ARID5B: variants seen among roughly 807,000 people sequenced by gnomAD.
The protein encoded by ARID5B is AT-rich interactive domain-containing protein 5B.
A neutral mutation model predicts 97.2 loss-of-function variants in ARID5B; 13 were observed. That is an observed-to-expected ratio of 0.13 (90% CI 0.09 to 0.21). ARID5B has a LOEUF of 0.21. ARID5B is among the 10% of genes least tolerant of loss of function. The probability of loss-of-function intolerance (pLI) is 1.00; values close to 1 mark genes in which losing one functional copy is unlikely to be tolerated. For synonymous variants in ARID5B, 556 were observed against 570.3 expected, an observed-to-expected ratio of 0.97 and a Z score of 0.36; for missense variants, 1,210 against 1,465.3, an observed-to-expected ratio of 0.83 and a Z score of 2.84.
At chr10:61,983,045 A>G (rs1480974657) in intron 3 of ARID5B, among the ~76,000 whole-genome samples, 1 of 152,160 alleles carries the variant, frequency 6.6e-6, no homozygotes, top group Non-Finnish European at 1.5e-5. Context: ...CCTCATATTG[A>G]GGCTCCTTCA....
At chr10:62,062,645 T>C (rs1839935732) in intron 7 of ARID5B, among the ~76,000 whole-genome samples, 1 of 151,748 alleles carries the variant, frequency 6.6e-6, no homozygotes, top group African/African-American at 2.4e-5. Flanking sequence ...CAGCAGAGAG[T>C]TTCTGACAAG....
chr10:61,941,493 C>T (rs566994941), intron 3 of ARID5B, among the ~76,000 whole-genome samples: 3 of 151,758 alleles, frequency 2.0e-5, no homozygotes, highest in African/African-American at 7.2e-5. Context: ...TCCTATTTTA[C>T]GCCTTAATGT....
In ARID5B at chr10:61,940,209, G is replaced by C; in HGVS notation, c.303G>C (p.Lys101Asn). The change falls in exon 3 of 10, where the codon AAG becomes AAC. Residue 101 changes from lysine (K) to asparagine (N), a missense_variant. Transcript: ENST00000279873. Reference sequence around the variant, plus strand: ...ATGAAGTCATTGCTGTTTCCGAAAAGGTGATTGTGAAGCTTGAAGACCTGG... The same window carrying C: ...ATGAAGTCATTGCTGTTTCCGAAAACGTGATTGTGAAGCTTGAAGACCTGG... Reference protein sequence around the residue: ...GEDEVIAVSEKVIVKLEDLVK... With the variant: ...GEDEVIAVSENVIVKLEDLVK... 6.2e-7 allele frequency: 1 copy of C among 1,614,160 alleles called. No homozygotes were observed. Among genetic ancestry groups the C allele is most frequent in the African/African-American group, 1.3e-5 (1 of 75,052 alleles).
At chr10:62,071,567 A>AAAAG (rs1554849729) in intron 8 of ARID5B, among the ~76,000 whole-genome samples, 3 of 146,836 alleles carry the variant, frequency 2.0e-5, no homozygotes, top group African/African-American at 7.5e-5. Context: ...AAAAAAAAAA[A>AAAAG]AGAGAGAAGG....
At chr10:62,085,928 C>G in intron 9 of ARID5B, 28 bp downstream of exon 9, 1 of 1,597,784 alleles carries the variant, frequency 6.3e-7, no homozygotes, top group Non-Finnish European at 8.5e-7. Context: ...ATAGAAATAC[C>G]TCTGGAAGAC....
In ARID5B at chr10:61,910,797, G is replaced by A. The variant is rs115647326; in HGVS notation, c.276+8384G>A. On this transcript the variant is annotated intron_variant, in intron 2 of 9. Transcript: ENST00000279873. ...ATGCACTGTTAGCAGCGTTAAAGAT[G>A]GATATTTGACATTTATCACGCAGAC... Among the ~76,000 whole-genome samples, 1,467 of 152,324 alleles carry A rather than the reference G, an allele frequency of 9.6e-3. 33 individuals are homozygous for A. The highest frequency in any genetic ancestry group is 0.034 in the African/African-American group (1,397 of 41,558).
chr10:62,073,469 C>G (rs1840090879), intron 8 of ARID5B, among the ~76,000 whole-genome samples: 1 of 152,166 alleles, frequency 6.6e-6, no homozygotes, highest in Admixed American at 6.5e-5. Flanking sequence ...TTATTTAAGG[C>G]AAAGCAGAAA....
At chr10:62,007,594 T>C (rs1839162340) in intron 4 of ARID5B, among the ~76,000 whole-genome samples, 1 of 152,156 alleles carries the variant, frequency 6.6e-6, no homozygotes, top group Non-Finnish European at 1.5e-5. Flanking sequence ...TCCATGTAAG[T>C]GCTGTTTAAG....
At chr10:61,917,820 G>C (rs1336390515) in intron 2 of ARID5B, among the ~76,000 whole-genome samples, 2 of 152,206 alleles carry the variant, frequency 1.3e-5, no homozygotes, top group Admixed American at 1.3e-4. Flanking sequence ...GGCAGGAAGA[G>C]ATGTGCAAGA....
At position 62,092,667 on chromosome 10, in the gene ARID5B, C is replaced by T. The variant is rs555727460; in HGVS notation, c.3204C>T (p.Gly1068=). ...GGCATTCCGGGGGCGGATCAGAAGG[C>T]CACAAGCTTCCCCTCTCCTCCCCTA... ...HGGHSGGGSE[G]HKLPLSSPIF... is the part of the protein sequence containing the mutation. Residue 1068 remains glycine, a synonymous_variant, in exon 10 of 10, where the codon GGC becomes GGT. Transcript: ENST00000279873. 1.2e-6 allele frequency: 2 copies of T among 1,613,992 alleles called. No individual in the cohort carries two copies. The highest frequency in any genetic ancestry group is 2.2e-5 in the East Asian group (1 of 44,876).
intron 2 of ARID5B, among the ~76,000 whole-genome samples, chr10:61,928,856 T>C (rs1203371221): frequency 2.0e-5 from 3 of 152,052 alleles, no homozygotes; most frequent in African/African-American, 4.8e-5. Context: ...TCTGTAGATA[T>C]CCCATTAGCA....
chr10:61,920,053 C>G (rs754826863), intron 2 of ARID5B, among the ~76,000 whole-genome samples: 1 of 152,142 alleles, frequency 6.6e-6, no homozygotes, highest in Non-Finnish European at 1.5e-5. Flanking sequence ...TAAATGACCC[C>G]TTGAGGCAGT....
chr10:61,938,214 G>A (rs917985584), intron 2 of ARID5B, among the ~76,000 whole-genome samples: 3 of 152,244 alleles, frequency 2.0e-5, no homozygotes, highest in Admixed American at 6.5e-5. Context: ...TTTGTTTGGA[G>A]GGTGTTGTAA....
At chr10:61,966,684 A>G (rs1160058217) in intron 3 of ARID5B, among the ~76,000 whole-genome samples, 1 of 152,194 alleles carries the variant, frequency 6.6e-6, no homozygotes, top group Non-Finnish European at 1.5e-5. Flanking sequence ...TCCTTCAGAT[A>G]CTTTAAAAGC....
At chr10:61,902,769 T>C (rs773503337) in intron 2 of ARID5B, among the ~76,000 whole-genome samples, 4 of 152,060 alleles carry the variant, frequency 2.6e-5, no homozygotes, top group Non-Finnish European at 4.4e-5. Flanking sequence ...TTTTTATATT[T>C]TTTGCCTTTT....
chr10:61,982,276 T>A lies in ARID5B; in HGVS notation c.503-17815T>A, dbSNP rs72833373. ...GGGCTGTTATTTCATGGTGATTTTT[T>A]AAAAAAAGTCAGACACCCCAGAACC... On this transcript the variant is annotated intron_variant, in intron 3 of 9. Coordinates refer to ENST00000279873, the MANE Select transcript of ARID5B (RefSeq NM_032199.3). 5.5e-3 allele frequency among the ~76,000 whole-genome samples: 835 copies of A among 152,234 alleles called. 7 individuals are homozygous for A. Among genetic ancestry groups the A allele is most frequent in the Non-Finnish European group, 0.01 (686 of 67,994 alleles).
At chr10:62,053,436 C>T (rs935260998) in intron 5 of ARID5B, among the ~76,000 whole-genome samples, 3 of 152,186 alleles carry the variant, frequency 2.0e-5, no homozygotes, top group African/African-American at 7.2e-5. Flanking sequence ...CTTTGCAAGA[C>T]CATGTTTTCC....
chr10:61,946,290 A>G (rs1193051318), intron 3 of ARID5B, among the ~76,000 whole-genome samples: 1 of 152,028 alleles, frequency 6.6e-6, no homozygotes. Flanking sequence ...TGAGATGTGG[A>G]CATGGGAAGG....
At chr10:61,945,066 G>T (rs559554547) in intron 3 of ARID5B, among the ~76,000 whole-genome samples, 1 of 152,198 alleles carries the variant, frequency 6.6e-6, no homozygotes, top group African/African-American at 2.4e-5. Flanking sequence ...CAGCATGGTG[G>T]GGTTAAAAGA....
Sources: gnomAD v4.1 joint callset for allele counts (sites outside exome capture counted in the v4.1 genomes callset) on GRCh38, gnomAD v4.1.1 for gene constraint, MANE v1.5 for transcripts, NCBI Gene and HGNC (gene_info 2026-07-23, HGNC 2026-07-21) for gene names.